ZEB1: variants seen among roughly 807,000 people sequenced by gnomAD.
The protein encoded by ZEB1 is zinc finger E-box-binding homeobox 1.
A neutral mutation model predicts 84.9 loss-of-function variants in ZEB1; 21 were observed. The observed-to-expected ratio is 0.25, with a 90% CI of 0.18 to 0.36. The LOEUF (loss-of-function observed/expected upper bound fraction) is 0.36, where lower values mean the gene tolerates loss of function less well. Ranked by LOEUF, ZEB1 falls within the 10% of genes least tolerant of loss-of-function variation. The probability of loss-of-function intolerance (pLI) is 1.00; values close to 1 mark genes in which losing one functional copy is unlikely to be tolerated. For missense variants in ZEB1, 1,104 were observed against 1,330.2 expected (o/e 0.83, Z 2.65); for synonymous variants, 420 against 471.1 (o/e 0.89, Z 1.41).
chr10:31,385,608 C>G (rs973220600), intron 1 of ZEB1, among the ~76,000 whole-genome samples: 8 of 151,530 alleles, frequency 5.3e-5, no homozygotes, highest in East Asian at 1.9e-4. Flanking sequence ...CTCACTGCAA[C>G]CTCCACCTCC....
chr10:31,356,886 A>C (rs2042209740), intron 1 of ZEB1, among the ~76,000 whole-genome samples: 1 of 152,152 alleles, frequency 6.6e-6, no homozygotes, highest in Non-Finnish European at 1.5e-5. Context: ...TTGTTACCCA[A>C]TATTTCAGTT....
At chr10:31,493,091 G>C (rs150451258) in intron 2 of ZEB1, among the ~76,000 whole-genome samples, 3 of 151,758 alleles carry the variant, frequency 2.0e-5, no homozygotes, top group Non-Finnish European at 4.4e-5. Context: ...ACAGGCTCTC[G>C]TTTCCCATTA....
At chr10:31,430,705 C>T (rs535297250) in intron 1 of ZEB1, among the ~76,000 whole-genome samples, 3 of 152,102 alleles carry the variant, frequency 2.0e-5, no homozygotes, top group Non-Finnish European at 4.4e-5. Context: ...TACACATTTA[C>T]ACACATAATT....
intron 1 of ZEB1, among the ~76,000 whole-genome samples, chr10:31,403,301 C>T (rs1466452742): frequency 6.6e-6 from 1 of 151,894 alleles, no homozygotes; most frequent in Non-Finnish European, 1.5e-5. Context: ...AAAGAGTAAC[C>T]TTTATCAGTT....
chr10:31,318,999 CCCT>C, upstream of ZEB1: 1 of 585,002 alleles, frequency 1.7e-6, no homozygotes, highest in Non-Finnish European at 3.1e-6. Context: ...TTTCCCTCGC[CCCT>C]CAATTCAAAT....
At chr10:31,446,482 C>T (rs1427175243) in intron 1 of ZEB1, among the ~76,000 whole-genome samples, 15 of 149,790 alleles carry the variant, frequency 1.0e-4, no homozygotes, top group African/African-American at 3.7e-4. Flanking sequence ...TCTTGCTTTT[C>T]TAGTTCTTTT....
chr10:31,319,179 AAGGGGGAGGG>A (rs1353462187), upstream of ZEB1: 17 of 814,908 alleles, frequency 2.1e-5, no homozygotes, highest in Non-Finnish European at 2.6e-5. Context: ...GGTGGGGGGG[AAGGGGGAGGG>A]AGGGGGAGGA....
intron 1 of ZEB1, among the ~76,000 whole-genome samples, chr10:31,354,420 TAAC>T (rs2041801052): frequency 6.6e-6 from 1 of 152,314 alleles, no homozygotes; most frequent in African/African-American, 2.4e-5. Flanking sequence ...TTTGATTTCA[TAAC>T]AACTTTTTAA....
intron 1 of ZEB1, among the ~76,000 whole-genome samples, chr10:31,459,863 G>A (rs58299348): frequency 5.3e-5 from 8 of 150,948 alleles, no homozygotes; most frequent in African/African-American, 1.9e-4. Flanking sequence ...GTGTGTGTGT[G>A]TGTGTGTGTG....
chr10:31,323,838 GT>G (rs1482077735), intron 1 of ZEB1, among the ~76,000 whole-genome samples: 2 of 151,868 alleles, frequency 1.3e-5, no homozygotes, highest in Non-Finnish European at 1.5e-5. Context: ...TTTTAGTGGT[GT>G]TTTTATAAAT....
Position 31,529,475 on chromosome 10 carries a change from A to G in ZEB1, c.*2211A>G, listed in dbSNP as rs1834734754. The G allele has an allele frequency of 6.6e-6, 1 of 152,140 alleles. No individual in the cohort carries two copies. The highest frequency in any genetic ancestry group is 2.4e-5 in the African/African-American group (1 of 41,418). The allele number at this position is 152,140 out of a possible 1,614,324, so 9.4% of individuals were successfully genotyped here. On this transcript the variant is annotated 3_prime_UTR_variant, in exon 9 of 9. Coordinates refer to ENST00000424869, the MANE Select transcript of ZEB1 (RefSeq NM_001174096.2). The stretch of plus-strand genomic sequence containing the variant: ...TCATTTCAGGGAAGCCTGGGTTTAG[A>G]TGCCTTTCTGACTCTCAGCTCCTGC...
intron 2 of ZEB1, among the ~76,000 whole-genome samples, chr10:31,475,160 T>C (rs1453933189): frequency 6.6e-6 from 1 of 151,344 alleles, no homozygotes; most frequent in Non-Finnish European, 1.5e-5. Context: ...TGTATACATA[T>C]GTAACTAACC....
intron 1 of ZEB1, among the ~76,000 whole-genome samples, chr10:31,410,894 A>T (rs1030000727): frequency 6.6e-5 from 10 of 151,826 alleles, no homozygotes; most frequent in Non-Finnish European, 1.5e-4. Flanking sequence ...ATTCTTCTCT[A>T]TTAGTCTGGC....
intron 6 of ZEB1, among the ~76,000 whole-genome samples, chr10:31,517,770 A>G (rs936351454): frequency 2.0e-5 from 3 of 152,160 alleles, no homozygotes; most frequent in African/African-American, 7.2e-5. Flanking sequence ...TAATAATGAT[A>G]ACTAGCACTT....
chr10:31,363,707 A>G (rs1462950228), intron 1 of ZEB1: 1 of 1,221,320 alleles, frequency 8.2e-7, no homozygotes, highest in African/African-American at 1.5e-5. Flanking sequence ...AGGTGTCCAA[A>G]CATTATGGAG....
At chr10:31,382,314 T>A (rs1470412938) in intron 1 of ZEB1, among the ~76,000 whole-genome samples, 1 of 152,212 alleles carries the variant, frequency 6.6e-6, no homozygotes, top group Non-Finnish European at 1.5e-5. Context: ...GCTATCTATG[T>A]TCATTCTTTT....
chr10:31,429,765 CGAA>C (rs1310433401), intron 1 of ZEB1, among the ~76,000 whole-genome samples: 2 of 84,162 alleles, frequency 2.4e-5, no homozygotes, highest in East Asian at 6.5e-4. Context: ...TTTTTTGAGA[CGAA>C]GTCTCACTCT....
At chr10:31,409,001 C>T (rs2053692651) in intron 1 of ZEB1, among the ~76,000 whole-genome samples, 1 of 151,744 alleles carries the variant, frequency 6.6e-6, no homozygotes, top group Non-Finnish European at 1.5e-5. Flanking sequence ...ACTCATCTGA[C>T]AAAGGGCTAA....
chr10:31,404,714 T>C (rs1300399812), intron 1 of ZEB1, among the ~76,000 whole-genome samples: 1 of 152,202 alleles, frequency 6.6e-6, no homozygotes, highest in Non-Finnish European at 1.5e-5. Flanking sequence ...TTGCCTTTTG[T>C]CTTGTTCAAA....
Sources: gnomAD v4.1 joint callset for allele counts (sites outside exome capture counted in the v4.1 genomes callset) on GRCh38, gnomAD v4.1.1 for gene constraint, MANE v1.5 for transcripts, NCBI Gene and HGNC (gene_info 2026-07-23, HGNC 2026-07-21) for gene names.